UIMC1: variants seen among roughly 807,000 people sequenced by gnomAD.
The protein encoded by UIMC1 is ubiquitin interaction motif containing 1.
A neutral mutation model predicts 84.9 loss-of-function variants in UIMC1; 42 were observed. That is an observed-to-expected ratio of 0.49 (90% CI 0.39 to 0.64). UIMC1 has a LOEUF of 0.64. Ranked by LOEUF, UIMC1 falls within the 30% of genes least tolerant of loss-of-function variation. The probability of loss-of-function intolerance (pLI) is 0.00; values close to 1 mark genes in which losing one functional copy is unlikely to be tolerated. For synonymous variants in UIMC1, 281 were observed against 293.0 expected (o/e 0.96, Z 0.42); for missense variants, 825 against 847.6 (o/e 0.97, Z 0.33).
intron 11 of UIMC1, 92 bp from the exon 12 acceptor site, chr5:176,908,786 C>T (rs747585259): frequency 3.9e-5 from 54 of 1,380,588 alleles, no homozygotes; most frequent in Non-Finnish European, 5.1e-5. Context: ...GTTTTTACGT[C>T]GCAAAGTTAT....
chr5:176,923,159 A>G (rs530883603), intron 10 of UIMC1, among the ~76,000 whole-genome samples: 2 of 152,372 alleles, frequency 1.3e-5, no homozygotes, highest in South Asian at 4.1e-4. Context: ...TGTTTGAGTT[A>G]GAAGCTATGT....
At chr5:176,909,077 C>G (rs1366046929) in intron 11 of UIMC1, among the ~76,000 whole-genome samples, 1 of 152,110 alleles carries the variant, frequency 6.6e-6, no homozygotes, top group Admixed American at 6.5e-5. Flanking sequence ...GAAAAGGGAG[C>G]ACCAAGAGCA....
At chr5:176,931,527 G>T (rs748654607) in intron 10 of UIMC1, among the ~76,000 whole-genome samples, 1 of 152,232 alleles carries the variant, frequency 6.6e-6, no homozygotes, top group Non-Finnish European at 1.5e-5. Flanking sequence ...TCAATATTAA[G>T]AGAGGAACAA....
intron 1 of UIMC1, among the ~76,000 whole-genome samples, chr5:176,989,089 C>T (rs967905434): frequency 4.6e-5 from 7 of 152,048 alleles, no homozygotes; most frequent in African/African-American, 1.7e-4. Flanking sequence ...AATAAAGCCA[C>T]CTTAACTTTG....
rs765480989 is a variant in UIMC1 at position 176,968,599 on chromosome 5, C to T, written c.1156G>A (p.Glu386Lys). The change falls in exon 6 of 15, where the codon GAG becomes AAG. Residue 386 changes from glutamate (E) to lysine (K), a missense_variant. Physicochemically the swap from Glu to Lys is moderately conservative, Grantham distance 56 (BLOSUM62 1). Coordinates refer to ENST00000511320, the MANE Select transcript of UIMC1 (RefSeq NM_001199298.2). ...GGTTCTTCCTCCAACAAAAGTTTCT[C>T]TTTCAAGCTTTTAATTGAGCTTTCC... is the stretch of plus-strand genomic sequence containing the variant. ...FQESSIKSLK[E>K]KLLLEEEPTT... 6.2e-7 allele frequency: 1 copy of T among 1,613,246 alleles called. No homozygotes were observed. Among genetic ancestry groups the T allele is most frequent in the South Asian group, 1.1e-5 (1 of 90,964 alleles).
At chr5:176,946,550 A>G (rs958113656) in intron 9 of UIMC1, among the ~76,000 whole-genome samples, 1 of 151,732 alleles carries the variant, frequency 6.6e-6, no homozygotes, top group African/African-American at 2.4e-5. Flanking sequence ...ACAAAAGAAA[A>G]ATCACCAGGT....
chr5:176,945,441 G>A (rs1450676684), intron 9 of UIMC1, among the ~76,000 whole-genome samples: 4 of 152,188 alleles, frequency 2.6e-5, no homozygotes, highest in African/African-American at 9.7e-5. Flanking sequence ...CCTGATTATT[G>A]TAAATACAAA....
At chr5:176,919,449 T>C (rs1761432688) in intron 10 of UIMC1, among the ~76,000 whole-genome samples, 1 of 152,222 alleles carries the variant, frequency 6.6e-6, no homozygotes, top group Non-Finnish European at 1.5e-5. Flanking sequence ...TGGTATTATA[T>C]CTAGGAATCC....
chr5:176,998,792 C>A (rs1362050318), intron 1 of UIMC1, among the ~76,000 whole-genome samples: 1 of 151,980 alleles, frequency 6.6e-6, no homozygotes, highest in African/African-American at 2.4e-5. Flanking sequence ...CAAAACAAAA[C>A]AAAAAATTAT....
rs1000600887 is a variant in UIMC1 at position 176,969,356 on chromosome 5, T to G, written c.464-65A>C. 3.3e-6 allele frequency: 5 copies of G among 1,519,818 alleles called. No homozygotes were observed. The African/African-American group carries it at 7.0e-5, about 21-fold the overall frequency. 94.1% of individuals were successfully genotyped at this position (1,519,818 alleles called of 1,614,324 possible). A position where few individuals can be genotyped will look rare whatever the true frequency, so the allele number is the denominator to read the frequency against. ...TTTTTATTAAGAGGGCTTGGTAAGT[T>G]ATCACTTACCAAGAATTACATAATA... On this transcript the variant is annotated intron_variant, in intron 5 of 14. Transcript: ENST00000511320.
rs557003478 is a variant in UIMC1 at position 176,992,340 on chromosome 5, T to C, written c.-8-9717A>G. Among the ~76,000 whole-genome samples the C allele has an allele frequency of 3.1e-4, 47 of 152,050 alleles. 1 individual carries two copies. The highest frequency in any genetic ancestry group is 1.1e-3 in the African/African-American group (46 of 41,464). ...CCAAAAGAGTGTAGAACTATCAAGATTTGGCCAGGAATAGTGGCACATGCC... is the reference window on the plus strand; with the variant it reads ...CCAAAAGAGTGTAGAACTATCAAGACTTGGCCAGGAATAGTGGCACATGCC... On this transcript the variant is annotated intron_variant, in intron 1 of 14. Coordinates refer to ENST00000511320, the MANE Select transcript of UIMC1 (RefSeq NM_001199298.2).
chr5:176,951,692 A>G, intron 8 of UIMC1, 115 bp from the exon 9 acceptor site: 1 of 638,776 alleles, frequency 1.6e-6, no homozygotes, highest in Non-Finnish European at 2.6e-6. Flanking sequence ...CTGTGGTGGC[A>G]ATATATTAAT....
chr5:176,938,570 A>C (rs946864002), intron 10 of UIMC1, among the ~76,000 whole-genome samples: 1 of 152,178 alleles, frequency 6.6e-6, no homozygotes, highest in African/African-American at 2.4e-5. Flanking sequence ...GCTCCCTCTC[A>C]TAGGGCCTGA....
intron 10 of UIMC1, among the ~76,000 whole-genome samples, chr5:176,917,683 G>A (rs1347332784): frequency 1.3e-5 from 2 of 152,228 alleles, no homozygotes; most frequent in African/African-American, 4.8e-5. Flanking sequence ...AATTGGGCAA[G>A]GAGCGGTGGC....
intron 7 of UIMC1, among the ~76,000 whole-genome samples, chr5:176,956,844 C>G (rs1766664302): frequency 6.6e-6 from 1 of 151,844 alleles, no homozygotes; most frequent in Admixed American, 6.6e-5. Flanking sequence ...ATAACTAAAT[C>G]CTGATAGAAA....
At chr5:176,949,148 T>C (rs1468861023) in intron 9 of UIMC1, among the ~76,000 whole-genome samples, 2 of 152,124 alleles carry the variant, frequency 1.3e-5, no homozygotes, top group Admixed American at 1.3e-4. Flanking sequence ...CTTTAAGTTT[T>C]AGGGTACATG....
Position 176,943,423 on chromosome 5 carries a change from T to C in UIMC1, c.1509A>G (p.Val503=), listed in dbSNP as rs1467474064. ...AGCATTGGTCACATAGCGGGCAGGA[T>C]ACCTGGTTACTGGATGAGAAGGTAG... ...AISTFSSSNQ[V]SCPLCDQCFP... Residue 503 remains valine (V), a synonymous_variant, in exon 10 of 15, where the codon GTA becomes GTG. Transcript: ENST00000511320. The C allele has an allele frequency of 1.2e-6, 2 of 1,614,200 alleles. No individual in the cohort carries two copies. The highest frequency in any genetic ancestry group is 1.3e-5 in the African/African-American group (1 of 75,052).
At chr5:176,982,838 C>G (rs976229012) in intron 1 of UIMC1, among the ~76,000 whole-genome samples, 11 of 152,014 alleles carry the variant, frequency 7.2e-5, no homozygotes, top group Non-Finnish European at 1.5e-4. Flanking sequence ...TAGCTGGGAC[C>G]ACAGGCACAC....
At position 176,919,855 on chromosome 5, in the gene UIMC1, G is replaced by A. The variant is rs1761477655; in HGVS notation, c.1598-8466C>T. On this transcript the variant is annotated intron_variant, in intron 10 of 14. Transcript: ENST00000511320. ...CAATTCTATTCCACTGAACTGTAAT[G>A]CCTACCTCTATGTCTTAATTAGTAA... Among the ~76,000 whole-genome samples, 3 of 152,256 alleles carry A rather than the reference G, an allele frequency of 2.0e-5. No individual in the cohort carries two copies. The South Asian group carries it at 6.2e-4, about 32-fold the overall frequency.
Sources: gnomAD v4.1 joint callset for allele counts (sites outside exome capture counted in the v4.1 genomes callset) on GRCh38, gnomAD v4.1.1 for gene constraint, MANE v1.5 for transcripts, NCBI Gene and HGNC (gene_info 2026-07-23, HGNC 2026-07-21) for gene names.